PCCB: variants seen among roughly 807,000 people sequenced by gnomAD.
PCCB encodes the protein propionyl-CoA carboxylase subunit beta.
PCCB carries 43 observed loss-of-function variants against 60.7 expected under a neutral mutation model. That is an observed-to-expected ratio of 0.71 (90% CI 0.55 to 0.91). The LOEUF (loss-of-function observed/expected upper bound fraction) is 0.91, where lower values mean the gene tolerates loss of function less well. Among genes scored for constraint, PCCB ranks in the 40% least tolerant of loss-of-function variants. PCCB has a pLI of 0.00. For missense variants in PCCB, 766 were observed against 702.8 expected (o/e 1.09, Z -1.02); for synonymous variants, 276 against 255.9 (o/e 1.08, Z -0.75).
At chr3:136,311,510 A>AT (rs111383733) in intron 9 of PCCB, among the ~76,000 whole-genome samples, 3,053 of 146,618 alleles carry the variant, frequency 0.021, 91 homozygotes, top group African/African-American at 0.061. Context: ...CTGATTTAAT[A>AT]TTTTTTTTTT....
intron 5 of PCCB, among the ~76,000 whole-genome samples, chr3:136,275,895 C>T (rs1164936258): frequency 2.0e-5 from 3 of 152,194 alleles, no homozygotes; most frequent in East Asian, 3.9e-4. Context: ...CTCAGCTTCC[C>T]GAGTAGCTGG....
chr3:136,261,858 A>G, intron 4 of PCCB, 94 bp from the exon 5 acceptor site: 2 of 853,286 alleles, frequency 2.3e-6, no homozygotes, highest in South Asian at 2.9e-5. Context: ...AAGTGCACTC[A>G]GAACGTTTTC....
chr3:136,271,970 C>T (rs1942213973), intron 5 of PCCB, among the ~76,000 whole-genome samples: 1 of 152,108 alleles, frequency 6.6e-6, no homozygotes, highest in South Asian at 2.1e-4. Flanking sequence ...CAACTTTTCC[C>T]CATTCATTAC....
Position 136,301,034 on chromosome 3 carries a change from C to T in PCCB, c.889C>T (p.Arg297Cys), listed in dbSNP as rs549397464. The T allele has an allele frequency of 1.6e-4, 261 of 1,613,874 alleles. 3 individuals carry two copies. In the Middle Eastern group the frequency reaches 2.3e-3, roughly 14 times the overall value. Residue 297 changes from arginine (R) to cysteine (C), a missense_variant, in exon 9 of 15, where the codon CGT becomes TGT. Transcript: ENST00000251654. ...PVRECHDPSD[R>C]LVPELDTIVP... The stretch of plus-strand genomic sequence containing the variant: ...CTGCCTTTTTTCTGCCTAAAGTGAC[C>T]GTCTGGTTCCTGAGCTTGACACAAT...
intron 5 of PCCB, among the ~76,000 whole-genome samples, chr3:136,270,755 C>G (rs1168039792): frequency 6.6e-6 from 1 of 152,196 alleles, no homozygotes; most frequent in Non-Finnish European, 1.5e-5. Context: ...ATCCACCTGC[C>G]TTGGCCTCCC....
intron 6 of PCCB, among the ~76,000 whole-genome samples, 178 bp from the exon 7 acceptor site, chr3:136,293,578 C>T (rs1018673580): frequency 2.6e-5 from 4 of 152,138 alleles, no homozygotes; most frequent in African/African-American, 9.7e-5. Flanking sequence ...TTAAAAAAGA[C>T]AATAAGGCAG....
rs780466831 is a variant in PCCB at position 136,328,801 on chromosome 3, C to G, written c.1442C>G (p.Ala481Gly). The change falls in exon 14 of 15, where the codon GCT becomes GGT. Residue 481 changes from alanine to glycine, a missense_variant. Transcript: ENST00000251654. Reference sequence around the variant, plus strand: ...TTCAAAGGGCATGAGAATGTGGAAGCTGCTCAGGCAGAGTACATCGAGAAG... The same window carrying G: ...TTCAAAGGGCATGAGAATGTGGAAGGTGCTCAGGCAGAGTACATCGAGAAG... ...IIFKGHENVE[A>G]AQAEYIEKFA... is the part of the protein sequence containing the mutation. 6.2e-7 allele frequency: 1 copy of G among 1,614,206 alleles called. No individual in the cohort carries two copies. The highest frequency in any genetic ancestry group is 1.7e-5 in the Admixed American group (1 of 60,036).
intron 1 of PCCB, among the ~76,000 whole-genome samples, chr3:136,251,952 A>G (rs938163077): frequency 6.6e-6 from 1 of 151,008 alleles, no homozygotes; most frequent in Admixed American, 6.6e-5. Context: ...ATCTTGGCTC[A>G]TTGCAACCTC....
At chr3:136,287,816 A>G (rs556134041) in intron 6 of PCCB, among the ~76,000 whole-genome samples, 1 of 152,338 alleles carries the variant, frequency 6.6e-6, no homozygotes, top group South Asian at 2.1e-4. Flanking sequence ...GCCATTGCAA[A>G]TGATGCTGAT....
intron 5 of PCCB, among the ~76,000 whole-genome samples, chr3:136,276,009 G>A (rs1447331238): frequency 6.6e-6 from 1 of 152,088 alleles, no homozygotes; most frequent in Non-Finnish European, 1.5e-5. Flanking sequence ...GACCTCAGGT[G>A]ATCCACCTGC....
At chr3:136,271,497 G>A (rs1441499762) in intron 5 of PCCB, among the ~76,000 whole-genome samples, 1 of 152,168 alleles carries the variant, frequency 6.6e-6, no homozygotes, top group East Asian at 1.9e-4. Context: ...AGCATGAGAT[G>A]TGTTTTCATT....
At chr3:136,286,288 T>G (rs2108186050) in intron 6 of PCCB, among the ~76,000 whole-genome samples, 1 of 152,364 alleles carries the variant, frequency 6.6e-6, no homozygotes, top group East Asian at 1.9e-4. Flanking sequence ...TTGTCTTACC[T>G]GTTGACAACA....
At chr3:136,272,856 T>G (rs1238541723) in intron 5 of PCCB, among the ~76,000 whole-genome samples, 1 of 152,160 alleles carries the variant, frequency 6.6e-6, no homozygotes, top group Admixed American at 6.5e-5. Context: ...TTTCTTCTGC[T>G]GGCATTGGGT....
At chr3:136,257,685 C>T (rs1414220640) in intron 3 of PCCB, among the ~76,000 whole-genome samples, 1 of 152,044 alleles carries the variant, frequency 6.6e-6, no homozygotes, top group Non-Finnish European at 1.5e-5. Context: ...GCCTGTAGTC[C>T]CAGTACTTTG....
chr3:136,313,805 C>G (rs1436497843), intron 9 of PCCB, among the ~76,000 whole-genome samples: 2 of 152,138 alleles, frequency 1.3e-5, no homozygotes, highest in East Asian at 3.9e-4. Context: ...TTTTTTGTAG[C>G]TAAGTTAGCA....
intron 7 of PCCB, 37 bp from the exon 8 acceptor site, chr3:136,297,915 A>T: frequency 6.2e-7 from 1 of 1,613,630 alleles, no homozygotes; most frequent in Non-Finnish European, 8.5e-7. Context: ...GCTGGCTGGT[A>T]CCCTGACTCA....
chr3:136,323,202 G>A (rs192848995), intron 10 of PCCB, among the ~76,000 whole-genome samples: 213 of 152,212 alleles, frequency 1.4e-3, no homozygotes, highest in Non-Finnish European at 2.4e-3. Context: ...CTTTCTCTTA[G>A]TCTTCTCCTG....
intron 9 of PCCB, among the ~76,000 whole-genome samples, chr3:136,301,914 T>C (rs1934300720): frequency 1.3e-5 from 2 of 152,220 alleles, no homozygotes; most frequent in African/African-American, 4.8e-5. Flanking sequence ...TATGCAGTTG[T>C]TTTTGAGTGT....
Position 136,264,430 on chromosome 3 carries a change from A to ATGTG in PCCB, c.543+2373_543+2376dup, listed in dbSNP as rs144141514. On this transcript the variant is annotated intron_variant, in intron 5 of 14. Coordinates refer to ENST00000251654, the MANE Select transcript of PCCB (RefSeq NM_000532.5). Reference sequence around the variant, plus strand: ...CTTTCTGTCTCTGTCTCTCATATATATGTGTGTGTGTATATATGTATATAT... The same window carrying ATGTG: ...CTTTCTGTCTCTGTCTCTCATATATATGTGTGTGTGTGTGTATATATGTATATAT... Among the ~76,000 whole-genome samples the ATGTG allele has an allele frequency of 3.9e-4, 50 of 129,322 alleles. 2 individuals are homozygous for ATGTG. Among genetic ancestry groups the ATGTG allele is most frequent in the African/African-American group, 7.2e-4 (22 of 30,428 alleles). 84.8% of individuals were successfully genotyped at this position (129,322 alleles called of 152,430 possible). A position where few individuals can be genotyped will look rare whatever the true frequency, so the allele number is the denominator to read the frequency against.
Sources: allele counts gnomAD v4.1 joint callset (sites outside exome capture counted in the v4.1 genomes callset), GRCh38; gene constraint gnomAD v4.1.1; transcripts MANE v1.5; gene names NCBI Gene and HGNC (gene_info 2026-07-23, HGNC 2026-07-21).